Variants in QTMAN observed in about 807,000 individuals in gnomAD.
QTMAN encodes the protein tRNA-queuosine alpha-mannosyltransferase.
chr2:143,984,141 T>C, the QTMAN span, among the ~76,000 whole-genome samples: 1 of 152,202 alleles, frequency 6.6e-6, no homozygotes, highest in African/African-American at 2.4e-5. Flanking sequence ...TATAACATTG[T>C]ACCAAGTCAC....
the QTMAN span, among the ~76,000 whole-genome samples, chr2:143,967,333 AT>A: frequency 7.1e-3 from 1,018 of 144,384 alleles, 7 homozygotes; most frequent in African/African-American, 0.019. Context: ...ATAGTATATA[AT>A]TTTTTTTTTT....
the QTMAN span, chr2:144,007,454 G>A: frequency 6.2e-7 from 1 of 1,613,116 alleles, no homozygotes; most frequent in Non-Finnish European, 8.5e-7. Context: ...GAAAAGGAAG[G>A]GCCATGGACA....
chr2:144,276,548 CTTTT>C, the QTMAN span, among the ~76,000 whole-genome samples: 1 of 152,140 alleles, frequency 6.6e-6, no homozygotes, highest in East Asian at 1.9e-4. Flanking sequence ...TAACCTAATC[CTTTT>C]TTTGTTTCTA....
the QTMAN span, among the ~76,000 whole-genome samples, chr2:144,039,989 T>A: frequency 6.6e-6 from 1 of 152,216 alleles, no homozygotes; most frequent in Admixed American, 6.5e-5. Flanking sequence ...AAGAAATATG[T>A]GTCACTTTGT....
chr2:144,133,428 A>AATATATAATATATAATATATAAT, the QTMAN span, among the ~76,000 whole-genome samples: 1 of 45,018 alleles, frequency 2.2e-5, no homozygotes, highest in Admixed American at 4.9e-4. Context: ...TAATATATAT[A>AATATATAATATATAATATATAAT]ATATATAATA....
the QTMAN span, among the ~76,000 whole-genome samples, chr2:144,103,761 A>T: frequency 6.6e-6 from 1 of 152,242 alleles, no homozygotes; most frequent in Non-Finnish European, 1.5e-5. Flanking sequence ...TCACTGTCCA[A>T]AAATTCTATT....
At chr2:144,210,471 A>G in the QTMAN span, among the ~76,000 whole-genome samples, 1 of 152,194 alleles carries the variant, frequency 6.6e-6, no homozygotes, top group Non-Finnish European at 1.5e-5. Flanking sequence ...GGAATAGATG[A>G]GGAAAGTGGA....
chr2:144,300,355 T>C, the QTMAN span, among the ~76,000 whole-genome samples: 3 of 152,130 alleles, frequency 2.0e-5, no homozygotes, highest in Non-Finnish European at 1.5e-5. Context: ...GAGAAAAATA[T>C]AAATGAACAA....
the QTMAN span, among the ~76,000 whole-genome samples, chr2:144,277,135 C>T: frequency 6.6e-6 from 1 of 152,028 alleles, no homozygotes; most frequent in Non-Finnish European, 1.5e-5. Flanking sequence ...GCTAGTACCA[C>T]ATGTTTAAAT....
At chr2:144,127,315 C>A in the QTMAN span, among the ~76,000 whole-genome samples, 2 of 151,876 alleles carry the variant, frequency 1.3e-5, no homozygotes, top group Non-Finnish European at 2.9e-5. Context: ...CAAAACAGAG[C>A]AGGTGAAACC....
chr2:143,979,941 C>G, the QTMAN span, among the ~76,000 whole-genome samples: 4,806 of 152,160 alleles, frequency 0.032, 257 homozygotes, highest in African/African-American at 0.11. Flanking sequence ...TTAGCGAGGC[C>G]TCTTTTTTCC....
At chr2:144,008,680 G>C in the QTMAN span, among the ~76,000 whole-genome samples, 3 of 151,716 alleles carry the variant, frequency 2.0e-5, no homozygotes, top group Non-Finnish European at 2.9e-5. Flanking sequence ...TGGAAGGAGA[G>C]CAGAAGGGAA....
At chr2:144,306,755 C>T in the QTMAN span, among the ~76,000 whole-genome samples, 2 of 152,102 alleles carry the variant, frequency 1.3e-5, no homozygotes, top group African/African-American at 4.8e-5. Context: ...AATATATCCT[C>T]CATAGATAAC....
the QTMAN span, among the ~76,000 whole-genome samples, chr2:143,983,552 A>G: frequency 7.0e-6 from 1 of 141,994 alleles, no homozygotes; most frequent in African/African-American, 2.7e-5. Flanking sequence ...GGCTCACTGC[A>G]AGCTTCGCCT....
chr2:144,041,171 A>G, the QTMAN span, among the ~76,000 whole-genome samples: 3 of 152,160 alleles, frequency 2.0e-5, no homozygotes, highest in Admixed American at 6.5e-5. Context: ...GGGTCAAGCG[A>G]TTTTTAACAC....
chr2:144,172,859 C>T, the QTMAN span, among the ~76,000 whole-genome samples: 1 of 151,954 alleles, frequency 6.6e-6, no homozygotes, highest in South Asian at 2.1e-4. Flanking sequence ...GGAAGAATCA[C>T]AGAATTAATG....
At chr2:144,099,409 G>T in the QTMAN span, among the ~76,000 whole-genome samples, 2 of 152,020 alleles carry the variant, frequency 1.3e-5, no homozygotes, top group African/African-American at 4.8e-5. Flanking sequence ...AAAACAACAG[G>T]GATAAAAGAT....
At chr2:144,133,456 A>AAAATATATTAT in the QTMAN span, among the ~76,000 whole-genome samples, 1 of 44,434 alleles carries the variant, frequency 2.3e-5, no homozygotes, top group East Asian at 1.1e-3. Flanking sequence ...TATAATATAT[A>AAAATATATTAT]ATATATATTA....
chr2:144,175,225 A>G, the QTMAN span, among the ~76,000 whole-genome samples: 2 of 152,184 alleles, frequency 1.3e-5, no homozygotes, highest in East Asian at 3.8e-4. Context: ...AAGAACAAGA[A>G]AGTGAGAACA....
Sources: gnomAD v4.1 joint callset for allele counts (sites outside exome capture counted in the v4.1 genomes callset) on GRCh38, gnomAD v4.1.1 for gene constraint, MANE v1.5 for transcripts, NCBI Gene and HGNC (gene_info 2026-07-23, HGNC 2026-07-21) for gene names.